Variants in IGSF21 observed in about 807,000 individuals in gnomAD.
IGSF21 encodes immunoglobin superfamily member 21.
Under a neutral mutation model 46.8 loss-of-function variants are expected in IGSF21, and 28 were observed. The observed-to-expected ratio is 0.60, with a 90% confidence interval of 0.44 to 0.82. The LOEUF (loss-of-function observed/expected upper bound fraction) is 0.82. Among genes scored for constraint, IGSF21 ranks in the 40% least tolerant of loss-of-function variants. The pLI is 0.00. For missense variants in IGSF21, 624 were observed against 665.5 expected (o/e 0.94, Z 0.69); for synonymous variants, 284 against 273.6 (o/e 1.04, Z -0.38).
chr1:18,300,164 C>A (rs1173070509), intron 3 of IGSF21, among the ~76,000 whole-genome samples: 1 of 152,140 alleles, frequency 6.6e-6, no homozygotes, highest in Admixed American at 6.5e-5. Flanking sequence ...ATCAGGATCA[C>A]CTTGGAAGTT....
intron 1 of IGSF21, among the ~76,000 whole-genome samples, chr1:18,195,042 G>A (rs2124478619): frequency 6.6e-6 from 1 of 152,240 alleles, no homozygotes; most frequent in Admixed American, 6.5e-5. Flanking sequence ...GAACAGTATG[G>A]GTGGAACAGC....
At chr1:18,178,615 G>T (rs918898372) in intron 1 of IGSF21, among the ~76,000 whole-genome samples, 1 of 152,102 alleles carries the variant, frequency 6.6e-6, no homozygotes, top group East Asian at 1.9e-4. Context: ...ATTATTCTAC[G>T]AGCATAGATT....
chr1:18,347,759 G>C (rs2085909696), intron 4 of IGSF21, among the ~76,000 whole-genome samples: 1 of 152,108 alleles, frequency 6.6e-6, no homozygotes, highest in South Asian at 2.1e-4. Flanking sequence ...CTTGTCCCTG[G>C]GGAATAGAGC....
At chr1:18,158,643 A>G (rs1435008275) in intron 1 of IGSF21, among the ~76,000 whole-genome samples, 2 of 151,902 alleles carry the variant, frequency 1.3e-5, no homozygotes, top group African/African-American at 2.4e-5. Context: ...GTGTCTTTCA[A>G]TCTCTTTTCT....
At position 18,260,581 on chromosome 1, in the gene IGSF21, G is replaced by A. The variant is rs563711342; in HGVS notation, c.184-31285G>A. The stretch of plus-strand genomic sequence containing the variant: ...CCACTTTCAATTACATGCAAATTAA[G>A]GTGTGAATTATGTGGCCATTTCTAG... On this transcript the variant is annotated intron_variant, in intron 2 of 9. Coordinates refer to ENST00000251296, the MANE Select transcript of IGSF21 (RefSeq NM_032880.5). Among the ~76,000 whole-genome samples the A allele has an allele frequency of 9.2e-5, 14 of 152,328 alleles. No individual in the cohort carries two copies. The South Asian group carries it at 2.7e-3, about 29-fold the overall frequency.
At chr1:18,333,425 C>T (rs962800270) in intron 3 of IGSF21, among the ~76,000 whole-genome samples, 3 of 152,160 alleles carry the variant, frequency 2.0e-5, no homozygotes, top group Non-Finnish European at 4.4e-5. Context: ...CACAGAGCTT[C>T]GCAGGACCCA....
chr1:18,148,065 C>T (rs150721629), intron 1 of IGSF21, among the ~76,000 whole-genome samples: 13,925 of 151,654 alleles, frequency 0.092, 851 homozygotes, highest in Non-Finnish European at 0.14. Context: ...GCCTCCCCAG[C>T]CCTGTGGAAC....
At chr1:18,332,123 C>T (rs902039940) in intron 3 of IGSF21, among the ~76,000 whole-genome samples, 6 of 152,224 alleles carry the variant, frequency 3.9e-5, no homozygotes, top group Non-Finnish European at 7.3e-5. Context: ...ATATTGCTTA[C>T]GTTACTATCA....
intron 2 of IGSF21, among the ~76,000 whole-genome samples, chr1:18,231,809 C>T (rs539942694): frequency 6.6e-6 from 1 of 152,172 alleles, no homozygotes; most frequent in South Asian, 2.1e-4. Context: ...ACACTGTGCT[C>T]ACCTGACAAG....
At chr1:18,206,507 C>T (rs1379781946) in intron 1 of IGSF21, among the ~76,000 whole-genome samples, 1 of 150,672 alleles carries the variant, frequency 6.6e-6, no homozygotes, top group Non-Finnish European at 1.5e-5. Context: ...CATGATCGCA[C>T]CACTGCATTC....
At chr1:18,134,174 A>C (rs2086347960) in intron 1 of IGSF21, among the ~76,000 whole-genome samples, 1 of 152,136 alleles carries the variant, frequency 6.6e-6, no homozygotes, top group African/African-American at 2.4e-5. Context: ...ATGAATGAAT[A>C]AAAGGAAAAC....
intron 1 of IGSF21, among the ~76,000 whole-genome samples, chr1:18,136,574 T>C (rs1350167075): frequency 6.6e-6 from 1 of 152,234 alleles, no homozygotes; most frequent in African/African-American, 2.4e-5. Context: ...GTTGTAGATA[T>C]GCAGCATTAT....
chr1:18,113,339 C>T (rs2086159713), intron 1 of IGSF21: 1 of 152,162 alleles, frequency 6.6e-6, no homozygotes, highest in Non-Finnish European at 1.5e-5. Flanking sequence ...CACTAAGACC[C>T]CCGGCTAAGA....
chr1:18,160,105 G>C (rs995316305), intron 1 of IGSF21, among the ~76,000 whole-genome samples: 12 of 152,172 alleles, frequency 7.9e-5, no homozygotes, highest in Non-Finnish European at 1.6e-4. Context: ...CCCCTAGGAT[G>C]GGCAGAGTGG....
At position 18,365,483 on chromosome 1, in the gene IGSF21, G is replaced by C; in HGVS notation, c.801G>C (p.Glu267Asp). The C allele has an allele frequency of 6.2e-7, 1 of 1,614,040 alleles. No homozygotes were observed. Among genetic ancestry groups the C allele is most frequent in the South Asian group, 1.1e-5 (1 of 91,064 alleles). Residue 267 changes from glutamate to aspartate, a missense_variant, in exon 6 of 10, where the codon GAG (glutamate) becomes GAC (aspartate). By Grantham distance (45) the Glu-to-Asp change is conservative. Coordinates refer to ENST00000251296, the MANE Select transcript of IGSF21 (RefSeq NM_032880.5). This position sits in a 1 kb window ranked among gnomAD's most constrained non-coding sequence, Gnocchi z 4.8. ...AGCCAACCACAGAGAACATACCAGA[G>C]ACGGTCGTGAGCCGTGAGTTTCCCC... ...LLQPTTENIP[E>D]TVVSREFPRW...
chr1:18,371,840 C>A (rs1163417298), intron 6 of IGSF21, among the ~76,000 whole-genome samples: 1 of 152,188 alleles, frequency 6.6e-6, no homozygotes, highest in African/African-American at 2.4e-5. Context: ...TTACATAACT[C>A]ATTTCCACCT....
intron 1 of IGSF21, among the ~76,000 whole-genome samples, chr1:18,119,112 C>T (rs541144954): frequency 1.1e-3 from 161 of 151,944 alleles, no homozygotes; most frequent in Non-Finnish European, 2.0e-3. Context: ...TTACCTATTC[C>T]CTTCTTTCCT....
At chr1:18,351,135 C>T (rs1000702904) in intron 4 of IGSF21, among the ~76,000 whole-genome samples, 2 of 152,080 alleles carry the variant, frequency 1.3e-5, no homozygotes, top group Admixed American at 6.5e-5. Context: ...TCCACGGCAA[C>T]GCTGAGACGG....
intron 1 of IGSF21, among the ~76,000 whole-genome samples, chr1:18,140,692 G>A (rs2086407885): frequency 6.6e-6 from 1 of 152,206 alleles, no homozygotes; most frequent in Admixed American, 6.5e-5. Context: ...TCTGGACTCA[G>A]CTCAGTGGTC....
Sources: allele counts gnomAD v4.1 joint callset (sites outside exome capture counted in the v4.1 genomes callset), GRCh38; gene constraint gnomAD v4.1.1; non-coding constraint Gnocchi (gnomAD v3.1); transcripts MANE v1.5; gene names NCBI Gene and HGNC (gene_info 2026-07-23, HGNC 2026-07-21).